The following TNFSF4 variants were observed in gnomAD, a reference collection of about 807,000 sequenced individuals.
TNFSF4 encodes the protein tumor necrosis factor ligand superfamily member 4.
Under a neutral mutation model 7.3 loss-of-function variants are expected in TNFSF4, and 4 were observed. That is an observed-to-expected ratio of 0.55 (90% confidence interval 0.27 to 1.25). The LOEUF is 1.25. Ranked by LOEUF, TNFSF4 falls within the 50% of genes most tolerant of loss-of-function variation. The pLI is 0.12. For synonymous variants in TNFSF4, 76 were observed against 83.7 expected (o/e 0.91, Z 0.50); for missense variants, 181 against 208.8 (o/e 0.87, Z 0.82).
chr1:173,238,116 C>T, the TNFSF4 span, among the ~76,000 whole-genome samples: 1 of 152,056 alleles, frequency 6.6e-6, no homozygotes, highest in African/African-American at 2.4e-5. Flanking sequence ...CACCTACAAC[C>T]ATCTGATCTT....
At chr1:173,182,455 C>A (rs1649072348), downstream of TNFSF4, among the ~76,000 whole-genome samples, 1 of 152,108 alleles carries the variant, frequency 6.6e-6, no homozygotes, top group Non-Finnish European at 1.5e-5. Flanking sequence ...GTGTTAACTA[C>A]CCTTGATCTT....
intron 1 of TNFSF4, among the ~76,000 whole-genome samples, chr1:173,199,883 A>G (rs1012290075): frequency 6.6e-6 from 1 of 152,214 alleles, no homozygotes; most frequent in African/African-American, 2.4e-5. Flanking sequence ...CTCAGAGAGA[A>G]TAAATTACTG....
At chr1:173,378,809 C>G in the TNFSF4 span, among the ~76,000 whole-genome samples, 10 of 152,014 alleles carry the variant, frequency 6.6e-5, no homozygotes, top group Non-Finnish European at 1.0e-4. Flanking sequence ...AATGATAAGC[C>G]TCCGCTAATC....
At position 173,186,449 on chromosome 1, in the gene TNFSF4, C is replaced by T. The variant is rs149200431; in HGVS notation, c.*67G>A. 4.8e-5 allele frequency: 65 copies of T among 1,344,070 alleles called. No individual in the cohort carries two copies. In the East Asian group the frequency reaches 1.5e-3, roughly 31 times the overall value. 83.3% of individuals were successfully genotyped at this position (1,344,070 alleles called of 1,614,324 possible). On this transcript the variant is annotated 3_prime_UTR_variant, in exon 3 of 3. Transcript: ENST00000281834. ...GCTCCTTCACTTGCAATGAAGAATC[C>T]ATGCCCTGTCCACCCCCAGCTTGGT... is the stretch of plus-strand genomic sequence containing the variant.
the TNFSF4 span, among the ~76,000 whole-genome samples, chr1:173,239,365 C>CA: frequency 6.6e-6 from 1 of 152,178 alleles, no homozygotes; most frequent in South Asian, 2.1e-4. Context: ...TTTGCTCTCT[C>CA]AGTCTTTCAG....
the TNFSF4 span, among the ~76,000 whole-genome samples, chr1:173,283,879 G>T: frequency 1.4e-5 from 2 of 147,366 alleles, no homozygotes; most frequent in Admixed American, 6.8e-5. Flanking sequence ...AGGTCAAAAG[G>T]TTGAAAGTTA....
At chr1:173,294,030 G>A in the TNFSF4 span, among the ~76,000 whole-genome samples, 1 of 152,104 alleles carries the variant, frequency 6.6e-6, no homozygotes, top group African/African-American at 2.4e-5. Flanking sequence ...TTCAGCCACT[G>A]TGGAAAGCAA....
At position 173,207,169 on chromosome 1, in the gene TNFSF4, C is replaced by A. The variant is rs1282649625; in HGVS notation, c.8G>T (p.Arg3Met). ...CACATTCTCTTCCAGGGGTTGGACC[C>A]TTTCCATCTTCACAATCTGGGTAGA... is the stretch of plus-strand genomic sequence containing the variant. MERVQPLEENVGN... is the reference protein window; with the variant it reads MEMVQPLEENVGN... The change falls in exon 1 of 3, where the codon AGG (arginine) becomes ATG (methionine). Residue 3 changes from arginine to methionine, a missense_variant. By Grantham distance (91) the Arg-to-Met change is moderately conservative. Coordinates refer to ENST00000281834, the MANE Select transcript of TNFSF4 (RefSeq NM_003326.5). 2 of 1,611,004 alleles carry A rather than the reference C, an allele frequency of 1.2e-6. No homozygotes were observed. The highest frequency in any genetic ancestry group is 1.7e-6 in the Non-Finnish European group (2 of 1,177,726).
the TNFSF4 span, among the ~76,000 whole-genome samples, chr1:173,272,468 A>G: frequency 6.6e-6 from 1 of 152,168 alleles, no homozygotes; most frequent in East Asian, 1.9e-4. Flanking sequence ...AAGAAGTCAG[A>G]AGGAGCCAAA....
At chr1:173,398,734 G>A in the TNFSF4 span, among the ~76,000 whole-genome samples, 1 of 152,074 alleles carries the variant, frequency 6.6e-6, no homozygotes, top group African/African-American at 2.4e-5. Flanking sequence ...CCCTACGTCA[G>A]TGATATTTCT....
the TNFSF4 span, among the ~76,000 whole-genome samples, chr1:173,397,290 T>C: frequency 7.2e-5 from 11 of 152,186 alleles, no homozygotes; most frequent in African/African-American, 2.2e-4. Flanking sequence ...GGAGGTCAGG[T>C]CCCCTTGAAG....
At chr1:173,441,957 A>T in the TNFSF4 span, 1 of 152,218 alleles carries the variant, frequency 6.6e-6, no homozygotes, top group Non-Finnish European at 1.5e-5. Context: ...CTTTCACATG[A>T]GGTGGCTCCA....
intron 2 of TNFSF4, among the ~76,000 whole-genome samples, chr1:173,187,751 C>T (rs1649294677): frequency 6.6e-6 from 1 of 152,164 alleles, no homozygotes; most frequent in African/African-American, 2.4e-5. Flanking sequence ...ATCCCAAGTG[C>T]AAGCCAAAAA....
chr1:173,290,560 C>T, the TNFSF4 span, among the ~76,000 whole-genome samples: 1 of 152,124 alleles, frequency 6.6e-6, no homozygotes. Flanking sequence ...AGCATATATG[C>T]ACCCAACATT....
chr1:173,370,883 C>G, the TNFSF4 span, among the ~76,000 whole-genome samples: 1 of 152,216 alleles, frequency 6.6e-6, no homozygotes, highest in Non-Finnish European at 1.5e-5. Flanking sequence ...CCCAGTAGGG[C>G]TTGTTATCAG....
rs1468050495 is a variant in TNFSF4 at position 173,186,188 on chromosome 1, A to G, written c.*328T>C. 1 of 224,712 alleles carries G rather than the reference A, an allele frequency of 4.5e-6. No individual in the cohort carries two copies. The highest frequency in any genetic ancestry group is 8.8e-6 in the Non-Finnish European group (1 of 113,256). 13.9% of individuals were successfully genotyped at this position (224,712 alleles called of 1,614,324 possible). On this transcript the variant is annotated 3_prime_UTR_variant, in exon 3 of 3. Transcript: ENST00000281834. ...TCAATGACATAAGTTTATTATGACA[A>G]TTGCCTGACCAATAGAAACAATGCA...
At chr1:173,286,594 C>T in the TNFSF4 span, among the ~76,000 whole-genome samples, 1 of 151,920 alleles carries the variant, frequency 6.6e-6, no homozygotes, top group Non-Finnish European at 1.5e-5. Context: ...AAAACTTATT[C>T]CAAATGAACC....
the TNFSF4 span, among the ~76,000 whole-genome samples, chr1:173,229,490 A>G: frequency 3.9e-5 from 6 of 152,362 alleles, no homozygotes; most frequent in South Asian, 1.2e-3. Flanking sequence ...GCCAAATTGT[A>G]AAGACCATCG....
chr1:173,443,325 AT>A, the TNFSF4 span, among the ~76,000 whole-genome samples: 3 of 152,218 alleles, frequency 2.0e-5, no homozygotes, highest in Non-Finnish European at 4.4e-5. Context: ...CTAATAAGAA[AT>A]TGATAATAGC....
Sources: allele counts gnomAD v4.1 joint callset (sites outside exome capture counted in the v4.1 genomes callset), GRCh38; gene constraint gnomAD v4.1.1; transcripts MANE v1.5; gene names NCBI Gene and HGNC (gene_info 2026-07-23, HGNC 2026-07-21).